WDPCP: variants seen among roughly 807,000 people sequenced by gnomAD.
WDPCP encodes the protein WD repeat containing planar cell polarity effector.
WDPCP carries 71 observed loss-of-function variants against 93.1 expected under a neutral mutation model. The ratio of observed to expected loss-of-function variants is 0.76; its 90% confidence interval spans 0.63 to 0.93. The LOEUF is 0.93. WDPCP is among the 40% of genes least tolerant of loss of function. The pLI is 0.00. For missense variants in WDPCP, 844 were observed against 887.4 expected (o/e 0.95, Z 0.62); for synonymous variants, 315 against 315.0 (o/e 1.00, Z 0.00).
intron 2 of WDPCP, among the ~76,000 whole-genome samples, chr2:63,685,173 G>A (rs1668788826): frequency 6.6e-6 from 1 of 152,046 alleles, no homozygotes; most frequent in Non-Finnish European, 1.5e-5. Context: ...AGGAAAAGCT[G>A]TTTTTTACAA....
rs3738877 is a variant in WDPCP, at chr2:63,404,641, C to T, written c.842G>A (p.Arg281His). Residue 281 changes from arginine (R) to histidine (H), a missense_variant, in exon 10 of 18, where the codon CGC (arginine) becomes CAC (histidine). Physicochemically the swap from Arg to His is conservative, Grantham distance 29 (BLOSUM62 0). Transcript: ENST00000272321. ...AACATCCAGTGGGTCCCATTCTGTGCGGACAGAACTCAGAACCTGTTAAGA... is the reference window on the plus strand; with the variant it reads ...AACATCCAGTGGGTCCCATTCTGTGTGGACAGAACTCAGAACCTGTTAAGA... Reference protein sequence around the residue: ...QGRLEVLSSVRTEWDPLDVRF... With the variant: ...QGRLEVLSSVHTEWDPLDVRF... 140 of 1,613,878 alleles carry T rather than the reference C, an allele frequency of 8.7e-5. No individual in the cohort carries two copies. The East Asian group carries it at 2.5e-3, about 28-fold the overall frequency.
chr2:63,492,253 A>G (rs1700927833), intron 2 of WDPCP, among the ~76,000 whole-genome samples: 1 of 152,146 alleles, frequency 6.6e-6, no homozygotes, highest in Admixed American at 6.5e-5. Context: ...TATAAAGTAC[A>G]CTGTATCGTA....
chr2:63,520,952 T>G (rs537825964), intron 1 of WDPCP, among the ~76,000 whole-genome samples: 3 of 146,974 alleles, frequency 2.0e-5, no homozygotes, highest in Non-Finnish European at 4.5e-5. Context: ...CCAGCCAAAC[T>G]AAGTTTGATA....
At chr2:63,297,468 A>G (rs576207700) in intron 13 of WDPCP, among the ~76,000 whole-genome samples, 4 of 152,178 alleles carry the variant, frequency 2.6e-5, no homozygotes, top group Non-Finnish European at 5.9e-5. Flanking sequence ...ATACTCTTGA[A>G]TGGCCCTCTC....
intron 12 of WDPCP, among the ~76,000 whole-genome samples, chr2:63,352,938 C>T (rs574610880): frequency 3.3e-5 from 5 of 152,112 alleles, no homozygotes; most frequent in Admixed American, 6.5e-5. Context: ...AGGTAGTGGC[C>T]CTTTCTAATA....
intron 14 of WDPCP, among the ~76,000 whole-genome samples, chr2:63,231,035 A>T (rs536119356): frequency 1.1e-3 from 166 of 152,278 alleles, no homozygotes; most frequent in Non-Finnish European, 1.8e-3. Flanking sequence ...AGCACATCAA[A>T]AAGCTTATCC....
At chr2:63,144,225 A>T (rs1029186261) in intron 17 of WDPCP, among the ~76,000 whole-genome samples, 1 of 151,482 alleles carries the variant, frequency 6.6e-6, no homozygotes, top group African/African-American at 2.4e-5. Flanking sequence ...TCCTTGTTCA[A>T]TTCTATTGGT....
chr2:63,733,397 T>C (rs1390892975), intron 2 of WDPCP, among the ~76,000 whole-genome samples: 1 of 147,142 alleles, frequency 6.8e-6, no homozygotes, highest in Non-Finnish European at 1.5e-5. Flanking sequence ...AGAGACGGGG[T>C]TTCACCTTGT....
At chr2:63,647,870 G>A (rs1430799091) in intron 3 of WDPCP, among the ~76,000 whole-genome samples, 1 of 151,870 alleles carries the variant, frequency 6.6e-6, no homozygotes, top group East Asian at 1.9e-4. Context: ...TGGTTCTTGG[G>A]CCCCATCTGA....
chr2:63,321,386 CTGTG>C (rs59970085), intron 12 of WDPCP, among the ~76,000 whole-genome samples: 77 of 148,622 alleles, frequency 5.2e-4, no homozygotes, highest in South Asian at 1.3e-3. Flanking sequence ...TATATACACT[CTGTG>C]TGTGTGTGTG....
At position 63,204,113 on chromosome 2, in the gene WDPCP, T is replaced by C. The variant is rs192178056; in HGVS notation, c.1916-29281A>G. 2.0e-4 allele frequency among the ~76,000 whole-genome samples: 30 copies of C among 152,290 alleles called. 1 individual carries two copies. Among genetic ancestry groups the C allele is most frequent in the Admixed American group, 1.8e-3 (27 of 15,290 alleles). On this transcript the variant is annotated intron_variant, in intron 14 of 17. Coordinates refer to ENST00000272321, the MANE Select transcript of WDPCP (RefSeq NM_015910.7). ...TGTGGTAGCTCTATTTTTAGTTTTT[T>C]GAGGAACCTCCAACCTGTTCTCCAC...
chr2:63,229,092 A>C lies in WDPCP; in HGVS notation c.1915+30215T>G, dbSNP rs1446658655. ...TATTTCTCCACATCCTCTCCAGCAC[A>C]TGTTGTTTGCTGACTTTTTAATGAT... On this transcript the variant is annotated intron_variant, in intron 14 of 17. Coordinates refer to ENST00000272321, the MANE Select transcript of WDPCP (RefSeq NM_015910.7). The C allele has an allele frequency of 9.9e-5, 15 of 152,004 alleles. 1 individual carries two copies. Among genetic ancestry groups the C allele is most frequent in the Admixed American group, 7.2e-4 (11 of 15,224 alleles). The allele number at this position is 152,004 out of a possible 1,614,324, so 9.4% of individuals were successfully genotyped here.
chr2:63,335,255 C>T (rs114247159), intron 12 of WDPCP, among the ~76,000 whole-genome samples: 2,277 of 152,116 alleles, frequency 0.015, 62 homozygotes, highest in African/African-American at 0.052. Flanking sequence ...GTCCCCAGAC[C>T]CTCTTTGGAA....
chr2:63,789,312 T>G (rs1338005691), intron 2 of WDPCP, among the ~76,000 whole-genome samples: 1 of 152,200 alleles, frequency 6.6e-6, no homozygotes, highest in Non-Finnish European at 1.5e-5. Context: ...ATTAAGTATT[T>G]TTTTTCTTAG....
chr2:63,298,110 A>C (rs779916003), intron 13 of WDPCP, among the ~76,000 whole-genome samples: 5 of 152,160 alleles, frequency 3.3e-5, no homozygotes, highest in Non-Finnish European at 7.3e-5. Flanking sequence ...GACACAACGC[A>C]TACTGACAAG....
chr2:63,461,452 C>T (rs941850061), intron 6 of WDPCP, among the ~76,000 whole-genome samples: 3 of 152,166 alleles, frequency 2.0e-5, no homozygotes, highest in Non-Finnish European at 2.9e-5. Context: ...TGAGGCTTCA[C>T]CAGAAGCCAA....
intron 6 of WDPCP, among the ~76,000 whole-genome samples, chr2:63,460,775 T>G (rs907008946): frequency 6.6e-6 from 1 of 151,966 alleles, no homozygotes. Context: ...TACAGGTGCC[T>G]GCCACCACAC....
chr2:63,237,132 A>G (rs891149107), intron 14 of WDPCP, among the ~76,000 whole-genome samples: 1 of 151,900 alleles, frequency 6.6e-6, no homozygotes, highest in South Asian at 2.1e-4. Flanking sequence ...TAAACAAATC[A>G]TTAAGAAAAA....
chr2:63,159,495 G>A (rs1444186263), intron 15 of WDPCP, among the ~76,000 whole-genome samples: 1 of 152,116 alleles, frequency 6.6e-6, no homozygotes, highest in African/African-American at 2.4e-5. Flanking sequence ...TTTCTCATGT[G>A]AGTTGAGATT....
Sources: allele counts gnomAD v4.1 joint callset (sites outside exome capture counted in the v4.1 genomes callset), GRCh38; gene constraint gnomAD v4.1.1; transcripts MANE v1.5; gene names NCBI Gene and HGNC (gene_info 2026-07-23, HGNC 2026-07-21).